SH3BP5: variants seen among roughly 807,000 people sequenced by gnomAD.
SH3BP5 encodes the protein SH3 domain binding protein 5, also known as SH3 domain-binding protein 5.
In SH3BP5, 22 loss-of-function variants were observed where a neutral mutation model predicts 43.3. The ratio of observed to expected loss-of-function variants is 0.51; its 90% CI spans 0.36 to 0.73. The LOEUF is 0.73. SH3BP5 is among the 30% of genes least tolerant of loss of function. The pLI is 0.00. For synonymous variants in SH3BP5, 255 were observed against 225.8 expected (o/e 1.13, Z -1.16); for missense variants, 529 against 586.9 (o/e 0.90, Z 1.02).
chr3:15,325,276 T>C (rs543493406), intron 2 of SH3BP5, among the ~76,000 whole-genome samples: 1 of 152,256 alleles, frequency 6.6e-6, no homozygotes, highest in Non-Finnish European at 1.5e-5. Context: ...TGAGTTTTAC[T>C]ATCTCACCTA....
rs149039360 is a variant in SH3BP5 at position 15,293,981 on chromosome 3, G to A, written c.330+10122C>T. Among the ~76,000 whole-genome samples, 1,076 of 149,412 alleles carry A rather than the reference G, an allele frequency of 7.2e-3. 12 individuals are homozygous for A. Among genetic ancestry groups the A allele is most frequent in the African/African-American group, 0.025 (1,022 of 40,520 alleles). On this transcript the variant is annotated intron_variant, in intron 3 of 8. Coordinates refer to ENST00000383791, the MANE Select transcript of SH3BP5 (RefSeq NM_004844.5). ...TAGTCTCAGCTACTCGGGAGGCTGAGACAGAAGAATCGCTTCAACCTGGGA... is the reference window on the plus strand; with the variant it reads ...TAGTCTCAGCTACTCGGGAGGCTGAAACAGAAGAATCGCTTCAACCTGGGA...
At chr3:15,259,088 T>TG (rs1485556537) in intron 6 of SH3BP5, 38 bp from the exon 7 acceptor site, 3 of 1,504,996 alleles carry the variant, frequency 2.0e-6, no homozygotes, top group Non-Finnish European at 2.8e-6. Flanking sequence ...AAGACTACCC[T>TG]GCTAGCCTTA....
In SH3BP5 at chr3:15,256,926, C is replaced by G; in HGVS notation, c.1077G>C (p.Gly359=). 1 of 1,614,172 alleles carries G rather than the reference C, an allele frequency of 6.2e-7. No individual in the cohort carries two copies. The highest frequency in any genetic ancestry group is 8.5e-7 in the Non-Finnish European group (1 of 1,180,018). ...LPSPVSLSEF[G]MMFPVLGPRS... is the part of the protein sequence containing the mutation. ...GAGGGCCCAACACTGGGAACATCAT[C>G]CCAAACTCTGACAGGGACACAGGGC... Residue 359 remains glycine, a synonymous_variant, in exon 8 of 9, where the codon GGG becomes GGC. Coordinates refer to ENST00000383791, the MANE Select transcript of SH3BP5 (RefSeq NM_004844.5).
chr3:15,335,056 C>G (rs188899420), upstream of SH3BP5, among the ~76,000 whole-genome samples: 1 of 151,670 alleles, frequency 6.6e-6, no homozygotes, highest in African/African-American at 2.4e-5. Flanking sequence ...GAGAGACGAT[C>G]GCTTGAGGCC....
intron 2 of SH3BP5, chr3:15,304,436 G>A: frequency 5.2e-6 from 4 of 765,134 alleles, no homozygotes; most frequent in Non-Finnish European, 8.8e-6. Flanking sequence ...TCTGCACAGT[G>A]CAGTGTGGCG....
chr3:15,310,594 T>A lies in SH3BP5; in HGVS notation c.202-6363A>T, dbSNP rs77040845. On this transcript the variant is annotated intron_variant, in intron 2 of 8. Transcript: ENST00000383791. ...GCCATGGAGGGGAGTGGCTCAAAAGTACAAACTTATCTGAGAGAGCAAGCA... is the reference window on the plus strand; with the variant it reads ...GCCATGGAGGGGAGTGGCTCAAAAGAACAAACTTATCTGAGAGAGCAAGCA... 5.6e-3 allele frequency among the ~76,000 whole-genome samples: 846 copies of A among 152,114 alleles called. 7 individuals carry two copies. Among genetic ancestry groups the A allele is most frequent in the African/African-American group, 0.019 (784 of 41,484 alleles).
upstream of SH3BP5, among the ~76,000 whole-genome samples, chr3:15,334,193 C>A (rs1698673078): frequency 6.6e-6 from 1 of 152,180 alleles, no homozygotes; most frequent in Non-Finnish European, 1.5e-5. Context: ...GAGACATAGG[C>A]CAACTGCTCA....
At chr3:15,337,943 C>A (rs1438350793) in intron 1 of SH3BP5, among the ~76,000 whole-genome samples, 1 of 150,524 alleles carries the variant, frequency 6.6e-6, no homozygotes, top group South Asian at 2.1e-4. Flanking sequence ...AAAAAGTGCC[C>A]CAAAGCAGCA....
chr3:15,281,301 C>T (rs1489887434), intron 3 of SH3BP5, among the ~76,000 whole-genome samples: 2 of 152,170 alleles, frequency 1.3e-5, no homozygotes, highest in African/African-American at 4.8e-5. Context: ...ACAAAACTGG[C>T]ATTGATTTGA....
rs145446929 is a variant in SH3BP5, at chr3:15,309,236, A to G, written c.202-5005T>C. ...ATTAAACTAATATAGTTAACTGGCTAGGGGAGAAAAAAACAGGGGTAGGGT... is the reference window on the plus strand; with the variant it reads ...ATTAAACTAATATAGTTAACTGGCTGGGGGAGAAAAAAACAGGGGTAGGGT... On this transcript the variant is annotated intron_variant, in intron 2 of 8. Coordinates refer to ENST00000383791, the MANE Select transcript of SH3BP5 (RefSeq NM_004844.5). Among the ~76,000 whole-genome samples the G allele has an allele frequency of 2.6e-5, 4 of 152,342 alleles. No homozygotes were observed. The East Asian group carries it at 7.7e-4, about 29-fold the overall frequency.
chr3:15,300,719 C>T (rs564675438), intron 3 of SH3BP5, among the ~76,000 whole-genome samples: 1 of 152,168 alleles, frequency 6.6e-6, no homozygotes, highest in African/African-American at 2.4e-5. Flanking sequence ...CGCTATTGAC[C>T]AACAAGGTCC....
intron 5 of SH3BP5, chr3:15,260,159 T>C (rs576049883): frequency 2.5e-5 from 7 of 284,948 alleles, no homozygotes; most frequent in African/African-American, 1.6e-4. Context: ...GGCCTGGATC[T>C]GCTCTCCTAA....
At chr3:15,308,820 T>G (rs1697978710) in intron 2 of SH3BP5, among the ~76,000 whole-genome samples, 1 of 152,182 alleles carries the variant, frequency 6.6e-6, no homozygotes, top group African/African-American at 2.4e-5. Flanking sequence ...CATCTCAAAA[T>G]CAAACCTTTT....
intron 3 of SH3BP5, among the ~76,000 whole-genome samples, chr3:15,299,511 T>TTTTTA (rs1697673516): frequency 8.7e-6 from 1 of 115,216 alleles, no homozygotes; most frequent in Non-Finnish European, 1.8e-5. Context: ...TTTTTTTTTT[T>TTTTTA]GAGTCAGGGT....
At chr3:15,328,683 T>C (rs1188716730) in intron 2 of SH3BP5, among the ~76,000 whole-genome samples, 1 of 152,128 alleles carries the variant, frequency 6.6e-6, no homozygotes, top group African/African-American at 2.4e-5. Flanking sequence ...GAGGTTGCAG[T>C]GAGCTGTGAT....
In SH3BP5 at chr3:15,273,310, C is replaced by T. The variant is rs540990917; in HGVS notation, c.331-3433G>A. 5.0e-4 allele frequency: 490 copies of T among 985,360 alleles called. 1 individual carries two copies. In the African/African-American group the frequency reaches 7.8e-3, roughly 16 times the overall value. The allele number at this position is 985,360 out of a possible 1,614,324, so 61.0% of individuals were successfully genotyped here. On this transcript the variant is annotated intron_variant, in intron 3 of 8. Transcript: ENST00000383791. ...CAAGCAAGAAAAGATGCTCTTTTGA[C>T]GGCCTTCTGAAAGGTGGCTGCTGTA... is the stretch of plus-strand genomic sequence containing the variant.
rs1698641727 is a variant in SH3BP5 at position 15,332,530 on chromosome 3, G to A, written c.-122C>T. The A allele has an allele frequency of 1.3e-5, 16 of 1,247,320 alleles. No individual in the cohort carries two copies. The highest frequency in any genetic ancestry group is 1.5e-5 in the Non-Finnish European group (15 of 998,746). The allele number at this position is 1,247,320 out of a possible 1,614,324, so 77.3% of individuals were successfully genotyped here. ...GCACGGTCGGGGAGCCGCCGGGGCC[G>A]ACACCCGGGAGACGCAGCTCGCCGA... is the stretch of plus-strand genomic sequence containing the variant. On this transcript the variant is annotated 5_prime_UTR_variant, in exon 1 of 9. Transcript: ENST00000383791.
intron 2 of SH3BP5, among the ~76,000 whole-genome samples, chr3:15,327,293 G>C (rs1328548684): frequency 6.6e-6 from 1 of 152,102 alleles, no homozygotes; most frequent in East Asian, 1.9e-4. Flanking sequence ...CCAGCTACTC[G>C]GGAGGCTGAG....
intron 2 of SH3BP5, among the ~76,000 whole-genome samples, chr3:15,319,940 T>C (rs1698278723): frequency 6.6e-6 from 1 of 152,182 alleles, no homozygotes; most frequent in African/African-American, 2.4e-5. Flanking sequence ...AATAGAACAG[T>C]TGTTTTAAGC....
Sources: allele counts gnomAD v4.1 joint callset (sites outside exome capture counted in the v4.1 genomes callset), GRCh38; gene constraint gnomAD v4.1.1; transcripts MANE v1.5; gene names NCBI Gene and HGNC (gene_info 2026-07-23, HGNC 2026-07-21).